The following SLC5A5 variants were observed in gnomAD, a reference collection of about 807,000 sequenced individuals.
SLC5A5 encodes sodium/iodide cotransporter.
A neutral mutation model predicts 68.6 loss-of-function variants in SLC5A5; 56 were observed. The observed-to-expected ratio is 0.82, with a 90% CI of 0.66 to 1.02. The LOEUF is 1.02. SLC5A5 is among the 50% of genes least tolerant of loss of function. SLC5A5 has a pLI of 0.00. For missense variants in SLC5A5, 807 were observed against 859.8 expected, an observed-to-expected ratio of 0.94 and a Z score of 0.77; for synonymous variants, 398 against 373.0, an observed-to-expected ratio of 1.07 and a Z score of -0.77.
chr19:17,878,098 G>C lies in SLC5A5; in HGVS notation c.969+5G>C, dbSNP rs1470997458. The C allele has an allele frequency of 6.2e-7, 1 of 1,610,206 alleles. No homozygotes were observed. Among genetic ancestry groups the C allele is most frequent in the Non-Finnish European group, 8.5e-7 (1 of 1,179,980 alleles). On this transcript the variant is annotated splice_donor_5th_base_variant and intron_variant, in intron 7 of 14. Coordinates refer to ENST00000222248, the MANE Select transcript of SLC5A5 (RefSeq NM_000453.3). Reference sequence around the variant, plus strand: ...CGCATCTCTGCCCCAGACCAGGTGAGTCCCACCCAGGCTCCTGGTTGGCTC... The same window carrying C: ...CGCATCTCTGCCCCAGACCAGGTGACTCCCACCCAGGCTCCTGGTTGGCTC...
chr19:17,872,846 G>A (rs1171900591), intron 1 of SLC5A5, among the ~76,000 whole-genome samples, 170 bp downstream of exon 1: 1 of 152,156 alleles, frequency 6.6e-6, no homozygotes, highest in African/African-American at 2.4e-5. Flanking sequence ...CTAGGAAGAG[G>A]CCCCAGGCGC....
Position 17,878,064 on chromosome 19 carries a change from C to A in SLC5A5, c.940C>A (p.Leu314Ile). Residue 314 changes from leucine to isoleucine, a missense_variant, in exon 7 of 15, where the codon CTC becomes ATC. Physicochemically the swap from Leu to Ile is conservative, Grantham distance 5 (BLOSUM62 2). Coordinates refer to ENST00000222248, the MANE Select transcript of SLC5A5 (RefSeq NM_000453.3). The stretch of plus-strand genomic sequence containing the variant: ...GTTCTACACTGACTGCGACCCTCTC[C>A]TCCTGGGGCGCATCTCTGCCCCAGA... The part of the protein sequence containing the change: ...FVFYTDCDPL[L>I]LGRISAPDQY... The A allele has an allele frequency of 5.0e-6, 8 of 1,612,464 alleles. No individual in the cohort carries two copies. The highest frequency in any genetic ancestry group is 6.8e-6 in the Non-Finnish European group (8 of 1,179,996).
chr19:17,878,137 T>C (rs757095847), intron 7 of SLC5A5, 44 bp downstream of exon 7: 3 of 1,597,386 alleles, frequency 1.9e-6, no homozygotes, highest in South Asian at 2.2e-5. Context: ...ACTCCCTCAC[T>C]AGCTTGGTGG....
Position 17,872,098 on chromosome 19 carries a change from C to A in SLC5A5, c.-222C>A. 1 of 572,428 alleles carries A rather than the reference C, an allele frequency of 1.7e-6. No individual in the cohort carries two copies. Among genetic ancestry groups the A allele is most frequent in the Non-Finnish European group, 3.1e-6 (1 of 322,052 alleles). The allele number at this position is 572,428 out of a possible 1,614,324, so 35.5% of individuals were successfully genotyped here. On this transcript the variant is annotated 5_prime_UTR_variant, in exon 1 of 15. Coordinates refer to ENST00000222248, the MANE Select transcript of SLC5A5 (RefSeq NM_000453.3). The stretch of plus-strand genomic sequence containing the variant: ...CAGCAGGGGCGGACGCAGAGACAGA[C>A]AGCGGGGACAGGGAGGCCGACACGG...
chr19:17,893,751 T>C lies in SLC5A5; in HGVS notation c.1806T>C (p.Pro602=). ...TCCCCACTGGAAACAAGAAGCCCCC[T>C]GGCTTCCTGCCCACCAATGAGGATC... is the stretch of plus-strand genomic sequence containing the variant. ...EELPTGNKKP[P]GFLPTNEDRL... is the part of the protein sequence containing the mutation. Residue 602 remains proline (P), a synonymous_variant, in exon 15 of 15, where the codon CCT becomes CCC. Coordinates refer to ENST00000222248, the MANE Select transcript of SLC5A5 (RefSeq NM_000453.3). 2.5e-6 allele frequency: 4 copies of C among 1,614,014 alleles called. No homozygotes were observed. Among genetic ancestry groups the C allele is most frequent in the Middle Eastern group, 3.3e-4 (2 of 6,058 alleles).
At chr19:17,883,642 G>A in intron 10 of SLC5A5, 39 bp from the exon 11 acceptor site, 1 of 1,548,866 alleles carries the variant, frequency 6.5e-7, no homozygotes, top group African/African-American at 1.4e-5. Context: ...AGCGGTGGGA[G>A]GGCTCCGCCC....
At chr19:17,893,476 G>C (rs1217396352) in intron 14 of SLC5A5, among the ~76,000 whole-genome samples, 1 of 152,192 alleles carries the variant, frequency 6.6e-6, no homozygotes, top group African/African-American at 2.4e-5. Flanking sequence ...GCAGGCATCT[G>C]AGAAAGCGTT....
Position 17,883,962 on chromosome 19 carries a change from C to T in SLC5A5, c.1442C>T (p.Ala481Val), listed in dbSNP as rs771359020. The T allele has an allele frequency of 1.4e-5, 22 of 1,564,506 alleles. No individual in the cohort carries two copies. Among genetic ancestry groups the T allele is most frequent in the Non-Finnish European group, 1.8e-5 (21 of 1,156,146 alleles). Residue 481 changes from alanine to valine, a missense_variant, in exon 12 of 15, where the codon GCC (alanine) becomes GTC (valine). Transcript: ENST00000222248. ...ATGAGGGTCCTGCCATCGTCGGCTG[C>T]CCGCTGCGTGGCTCTCTCAGTCAAC... is the stretch of plus-strand genomic sequence containing the variant. Reference protein sequence around the residue: ...QTMRVLPSSAARCVALSVNAS... With the variant: ...QTMRVLPSSAVRCVALSVNAS...
Position 17,874,699 on chromosome 19 carries a change from A to C in SLC5A5, c.511A>C (p.Thr171Pro), listed in dbSNP as rs778923089. Reference protein sequence around the residue: ...GLDIWASLLSTGIICTFYTAV... With the variant: ...GLDIWASLLSPGIICTFYTAV... ...GGACATCTGGGCGTCGCTCCTGTCC[A>C]CCGGAATTATCTGCACCTTCTACAC... The change falls in exon 4 of 15, where the codon ACC becomes CCC. Residue 171 changes from threonine to proline, a missense_variant. Physicochemically the swap from Thr to Pro is conservative, Grantham distance 38. Transcript: ENST00000222248. The C allele has an allele frequency of 6.2e-7, 1 of 1,613,922 alleles. No homozygotes were observed. Among genetic ancestry groups the C allele is most frequent in the African/African-American group, 1.3e-5 (1 of 74,880 alleles).
chr19:17,879,228 G>A (rs1381202979), intron 7 of SLC5A5, among the ~76,000 whole-genome samples: 1 of 152,124 alleles, frequency 6.6e-6, no homozygotes, highest in African/African-American at 2.4e-5. Flanking sequence ...GGGAGGCGGA[G>A]GTTGCGGTGA....
Position 17,893,884 on chromosome 19 carries a change from G to A in SLC5A5, c.*7G>A, listed in dbSNP as rs1376772762. ...GCAGGAGACAAACCTCTGAGGACAG[G>A]GCCAGCCGCGGGACTGACACCCTGG... On this transcript the variant is annotated 3_prime_UTR_variant, in exon 15 of 15. Coordinates refer to ENST00000222248, the MANE Select transcript of SLC5A5 (RefSeq NM_000453.3). The A allele has an allele frequency of 1.9e-6, 3 of 1,555,466 alleles. No homozygotes were observed. The highest frequency in any genetic ancestry group is 2.6e-6 in the Non-Finnish European group (3 of 1,148,446).
chr19:17,878,112 C>T lies in SLC5A5; in HGVS notation c.969+19C>T, dbSNP rs755156696. ...AGACCAGGTGAGTCCCACCCAGGCT[C>T]CTGGTTGGCTCTGCACTCCCTCACT... On this transcript the variant is annotated intron_variant, in intron 7 of 14. Transcript: ENST00000222248. The T allele has an allele frequency of 9.0e-5, 145 of 1,608,478 alleles. No homozygotes were observed. Among genetic ancestry groups the T allele is most frequent in the Non-Finnish European group, 1.2e-4 (144 of 1,179,898 alleles).
At chr19:17,882,524 T>C (rs576793959) in intron 10 of SLC5A5, among the ~76,000 whole-genome samples, 48 of 149,870 alleles carry the variant, frequency 3.2e-4, no homozygotes, top group African/African-American at 1.0e-3. Context: ...TTTCTTTTTT[T>C]TTTTTTTTTG....
Position 17,882,178 on chromosome 19 carries a change from G to C in SLC5A5, c.1201G>C (p.Val401Leu). 1 of 1,614,002 alleles carries C rather than the reference G, an allele frequency of 6.2e-7. No individual in the cohort carries two copies. Among genetic ancestry groups the C allele is most frequent in the Non-Finnish European group, 8.5e-7 (1 of 1,180,000 alleles). Residue 401 changes from valine to leucine, a missense_variant, in exon 10 of 15, where the codon GTG becomes CTG. Coordinates refer to ENST00000222248, the MANE Select transcript of SLC5A5 (RefSeq NM_000453.3). Reference sequence around the variant, plus strand: ...CATCTACGGATCGGCCTGTCTCACCGTGGCAGCCCTGTCCTCACTGCTCGG... The same window carrying C: ...CATCTACGGATCGGCCTGTCTCACCCTGGCAGCCCTGTCCTCACTGCTCGG... ...SLIYGSACLT[V>L]AALSSLLGGG...
chr19:17,883,818 C>A, intron 11 of SLC5A5, 32 bp from the exon 12 acceptor site: 1 of 1,606,924 alleles, frequency 6.2e-7, no homozygotes, highest in Non-Finnish European at 8.5e-7. Context: ...GGACAGGCCC[C>A]TCCCCTTCCC....
At chr19:17,880,195 C>T (rs1251798192) in intron 7 of SLC5A5, among the ~76,000 whole-genome samples, 1 of 151,372 alleles carries the variant, frequency 6.6e-6, no homozygotes, top group South Asian at 2.1e-4. Flanking sequence ...GCCACTGTGC[C>T]CGGCCTTTCT....
chr19:17,892,648 A>AAGAGAGAGAGAGAG (rs1568427310), intron 14 of SLC5A5, among the ~76,000 whole-genome samples: 9 of 58,710 alleles, frequency 1.5e-4, no homozygotes, highest in Non-Finnish European at 3.2e-4. Flanking sequence ...AAAGAAAGAA[A>AAGAGAGAGAGAGAG]AGACAGAGAG....
intron 2 of SLC5A5, 143 bp from the exon 3 acceptor site, chr19:17,874,351 A>G: frequency 1.5e-6 from 1 of 667,846 alleles, no homozygotes. Context: ...CCCACACCAC[A>G]GCCGGCCTGA....
intron 7 of SLC5A5, among the ~76,000 whole-genome samples, chr19:17,879,517 T>C (rs1219318453): frequency 6.6e-6 from 1 of 152,080 alleles, no homozygotes; most frequent in Non-Finnish European, 1.5e-5. Context: ...ACTTTACAGA[T>C]GAGGAAATTG....
Sources: gnomAD v4.1 joint callset for allele counts (sites outside exome capture counted in the v4.1 genomes callset) on GRCh38, gnomAD v4.1.1 for gene constraint, MANE v1.5 for transcripts, NCBI Gene and HGNC (gene_info 2026-07-23, HGNC 2026-07-21) for gene names.